RASAL2: variants seen among roughly 807,000 people sequenced by gnomAD.
RASAL2 encodes RAS protein activator like 2, also known as ras GTPase-activating protein nGAP.
In RASAL2, 58 loss-of-function variants were observed where a neutral mutation model predicts 128.9. That is an observed-to-expected ratio of 0.45 (90% CI 0.36 to 0.56). The LOEUF is 0.56. RASAL2 is among the 20% of genes least tolerant of loss of function. RASAL2 has a pLI of 0.00. For synonymous variants in RASAL2, 561 were observed against 580.8 expected (o/e 0.97, Z 0.49); for missense variants, 1,360 against 1,601.6 (o/e 0.85, Z 2.57).
intron 1 of RASAL2, among the ~76,000 whole-genome samples, chr1:178,146,899 G>A (rs1660747362): frequency 6.6e-6 from 1 of 152,218 alleles, no homozygotes; most frequent in South Asian, 2.1e-4. Flanking sequence ...AGGCTAACCT[G>A]CAGGTGGAGA....
At chr1:178,431,140 C>T (rs1675866900) in intron 5 of RASAL2, among the ~76,000 whole-genome samples, 1 of 151,804 alleles carries the variant, frequency 6.6e-6, no homozygotes, top group South Asian at 2.1e-4. Context: ...TTCTTATGAT[C>T]TTGGAATTTA....
chr1:178,261,061 G>A (rs1665670574), intron 1 of RASAL2, among the ~76,000 whole-genome samples: 1 of 152,156 alleles, frequency 6.6e-6, no homozygotes, highest in Non-Finnish European at 1.5e-5. Context: ...TATTCATACA[G>A]CTCCGAGCTC....
chr1:178,198,864 A>T (rs1168785836), intron 1 of RASAL2, among the ~76,000 whole-genome samples: 1 of 152,134 alleles, frequency 6.6e-6, no homozygotes. Flanking sequence ...GTCAGACAGG[A>T]ACGTTTAAGT....
At chr1:178,275,713 G>C (rs1024403721) in intron 1 of RASAL2, among the ~76,000 whole-genome samples, 2 of 152,236 alleles carry the variant, frequency 1.3e-5, no homozygotes, top group Non-Finnish European at 2.9e-5. Flanking sequence ...CTGAGACTGA[G>C]AGGGAAGCAG....
intron 1 of RASAL2, among the ~76,000 whole-genome samples, chr1:178,276,354 C>T (rs1406033277): frequency 6.6e-6 from 1 of 152,122 alleles, no homozygotes; most frequent in Non-Finnish European, 1.5e-5. Context: ...AGTGACCTGA[C>T]TGGATTTTCC....
intron 15 of RASAL2, among the ~76,000 whole-genome samples, chr1:178,464,705 T>A (rs1295426411): frequency 6.6e-6 from 1 of 151,914 alleles, no homozygotes; most frequent in Non-Finnish European, 1.5e-5. Flanking sequence ...TCATTTCTAG[T>A]CATTTTAGGT....
chr1:178,410,543 A>G (rs1002833567), intron 4 of RASAL2, among the ~76,000 whole-genome samples: 1 of 152,206 alleles, frequency 6.6e-6, no homozygotes, highest in Non-Finnish European at 1.5e-5. Context: ...AAAACTAAAA[A>G]GCTTCTGCAC....
In RASAL2 at chr1:178,475,970, A is replaced by G. The variant is rs995695767; in HGVS notation, c.*2731A>G. 55 of 152,236 alleles carry G rather than the reference A, an allele frequency of 3.6e-4. No homozygotes were observed. The highest frequency in any genetic ancestry group is 1.1e-3 in the African/African-American group (46 of 41,464). The allele number at this position is 152,236 out of a possible 1,614,324, so 9.4% of individuals were successfully genotyped here. A position where few individuals can be genotyped will look rare whatever the true frequency, so the allele number is the denominator to read the frequency against. The stretch of plus-strand genomic sequence containing the variant: ...CTGCAATCTGTATAAGTTACTCTGA[A>G]GGATTTTTTAAGAAGAGAAGCCACC... On this transcript the variant is annotated 3_prime_UTR_variant, in exon 18 of 18. Transcript: ENST00000367649.
intron 1 of RASAL2, among the ~76,000 whole-genome samples, chr1:178,143,483 C>G (rs902559491): frequency 6.6e-6 from 1 of 151,862 alleles, no homozygotes; most frequent in Non-Finnish European, 1.5e-5. Context: ...ATTAACTTGC[C>G]ATTGTAGATC....
chr1:178,410,898 G>T (rs550851228), intron 4 of RASAL2, among the ~76,000 whole-genome samples: 3 of 152,062 alleles, frequency 2.0e-5, no homozygotes, highest in African/African-American at 4.8e-5. Flanking sequence ...GTGGTGAAAA[G>T]GGAACACTTT....
intron 1 of RASAL2, among the ~76,000 whole-genome samples, chr1:178,115,747 A>C (rs1159939799): frequency 6.6e-6 from 1 of 152,262 alleles, no homozygotes; most frequent in Non-Finnish European, 1.5e-5. Flanking sequence ...CCTGTGGAGC[A>C]GAGAGATCAG....
chr1:178,405,378 A>T (rs1445675595), intron 4 of RASAL2, among the ~76,000 whole-genome samples: 2 of 152,226 alleles, frequency 1.3e-5, no homozygotes, highest in East Asian at 3.8e-4. Context: ...AGATGTCCAC[A>T]TCCTAATACA....
intron 3 of RASAL2, among the ~76,000 whole-genome samples, chr1:178,377,299 C>G (rs1244008579): frequency 6.6e-6 from 1 of 151,942 alleles, no homozygotes; most frequent in African/African-American, 2.4e-5. Context: ...ATATGCCAGA[C>G]TAGATAACCT....
chr1:178,125,052 A>C (rs1318975024), intron 1 of RASAL2, among the ~76,000 whole-genome samples: 3 of 152,212 alleles, frequency 2.0e-5, no homozygotes, highest in Admixed American at 1.3e-4. Context: ...ACAAATTGGC[A>C]GAAATATCCT....
intron 14 of RASAL2, among the ~76,000 whole-genome samples, chr1:178,463,897 A>G (rs1035638576): frequency 6.6e-6 from 1 of 152,024 alleles, no homozygotes; most frequent in African/African-American, 2.4e-5. Context: ...TTATTTAATC[A>G]TCAAATAGAC....
chr1:178,308,539 C>CTT (rs576125039), intron 3 of RASAL2, among the ~76,000 whole-genome samples: 3,358 of 129,966 alleles, frequency 0.026, 75 homozygotes, highest in South Asian at 0.048. Context: ...CAAACATTAG[C>CTT]TTTTTTTTTT....
intron 1 of RASAL2, among the ~76,000 whole-genome samples, chr1:178,283,088 A>G (rs1666857883): frequency 6.6e-6 from 1 of 152,178 alleles, no homozygotes; most frequent in Non-Finnish European, 1.5e-5. Flanking sequence ...TTGTTTAAAC[A>G]TTGTCAATTC....
intron 5 of RASAL2, among the ~76,000 whole-genome samples, chr1:178,430,010 A>T (rs1675780949): frequency 6.6e-6 from 1 of 151,956 alleles, no homozygotes; most frequent in African/African-American, 2.4e-5. Flanking sequence ...TAACTTTTTT[A>T]TTGAATTTAT....
chr1:178,162,426 T>C (rs1363228515), intron 1 of RASAL2, among the ~76,000 whole-genome samples: 2 of 118,888 alleles, frequency 1.7e-5, no homozygotes, highest in African/African-American at 3.4e-5. Flanking sequence ...TATAATATTA[T>C]ATATATTTTA....
Sources: allele counts gnomAD v4.1 joint callset (sites outside exome capture counted in the v4.1 genomes callset), GRCh38; gene constraint gnomAD v4.1.1; transcripts MANE v1.5; gene names NCBI Gene and HGNC (gene_info 2026-07-23, HGNC 2026-07-21).